The following RERE variants were observed in gnomAD, a reference collection of about 807,000 sequenced individuals.
RERE encodes arginine-glutamic acid dipeptide repeats protein.
A neutral mutation model predicts 146.1 loss-of-function variants in RERE; 40 were observed. The ratio of observed to expected loss-of-function variants is 0.27; its 90% CI spans 0.21 to 0.36. The LOEUF (loss-of-function observed/expected upper bound fraction) is 0.36, where lower values mean the gene tolerates loss of function less well. Ranked by LOEUF, RERE falls within the 10% of genes least tolerant of loss-of-function variation. The pLI is 1.00. For synonymous variants in RERE, 1,003 were observed against 866.0 expected (o/e 1.16, Z -2.78); for missense variants, 1,933 against 2,138.7 (o/e 0.90, Z 1.90).
Position 8,687,105 on chromosome 1 carries a change from G to A in RERE, c.-144-30664C>T, listed in dbSNP as rs77575063. Among the ~76,000 whole-genome samples, 237 of 152,308 alleles carry A rather than the reference G, an allele frequency of 1.6e-3. 1 individual carries two copies. The highest frequency in any genetic ancestry group is 0.015 in the East Asian group (80 of 5,190). ...GGCAGAGTAAGTGGGATCCAAATAC[G>A]GGAGTTTGTATCTGTTTTAAGATTG... On this transcript the variant is annotated intron_variant, in intron 1 of 22. Transcript: ENST00000400908.
In RERE at chr1:8,388,660, CGTGT is replaced by C. The variant is rs1642772602; in HGVS notation, c.1285-22690_1285-22687del. Among the ~76,000 whole-genome samples, 4 of 152,302 alleles carry C rather than the reference CGTGT, an allele frequency of 2.6e-5. No homozygotes were observed. The South Asian group carries it at 8.3e-4, about 32-fold the overall frequency. On this transcript the variant is annotated intron_variant, in intron 12 of 22. Coordinates refer to ENST00000400908, the MANE Select transcript of RERE (RefSeq NM_001042681.2). ...AAGCTGCGTGGTGGCGACAGTTCAC[CGTGT>C]GGCTGTTTTTATACCATACACAAAT...
chr1:8,461,366 C>T (rs552456236), intron 11 of RERE, among the ~76,000 whole-genome samples: 4 of 152,184 alleles, frequency 2.6e-5, no homozygotes, highest in African/African-American at 9.6e-5. Context: ...CAGAAGGCAG[C>T]CATTTACTTT....
intron 7 of RERE, among the ~76,000 whole-genome samples, chr1:8,513,504 TACACCAAAA>T (rs1226373985): frequency 2.0e-5 from 3 of 152,210 alleles, no homozygotes; most frequent in Non-Finnish European, 4.4e-5. Context: ...TTTTTGATAC[TACACCAAAA>T]ACTCAACAAG....
At chr1:8,542,100 TA>T (rs1357912730) in intron 6 of RERE, among the ~76,000 whole-genome samples, 3 of 152,120 alleles carry the variant, frequency 2.0e-5, no homozygotes, top group Non-Finnish European at 2.9e-5. Flanking sequence ...CCAGAAGCAT[TA>T]TATCACGTGG....
intron 7 of RERE, among the ~76,000 whole-genome samples, chr1:8,534,956 C>T (rs1214851136): frequency 6.6e-6 from 1 of 152,088 alleles, no homozygotes; most frequent in Non-Finnish European, 1.5e-5. Context: ...AACTGAGGGA[C>T]AGCTGGGCAC....
chr1:8,570,261 G>T (rs774245303), intron 4 of RERE, among the ~76,000 whole-genome samples: 12 of 151,966 alleles, frequency 7.9e-5, no homozygotes, highest in Admixed American at 2.0e-4. Flanking sequence ...TGCTTGAACC[G>T]GGGAAGTGGA....
chr1:8,480,386 C>T (rs1333558253), intron 10 of RERE, among the ~76,000 whole-genome samples: 1 of 151,018 alleles, frequency 6.6e-6, no homozygotes, highest in Admixed American at 6.6e-5. Context: ...GATCCGCCCG[C>T]CTTGGCCTCC....
intron 1 of RERE, among the ~76,000 whole-genome samples, chr1:8,725,856 T>G (rs1023148650): frequency 6.6e-6 from 1 of 152,120 alleles, no homozygotes; most frequent in Non-Finnish European, 1.5e-5. Flanking sequence ...TTTTGCTTAA[T>G]GCAAACGTTC....
chr1:8,775,123 G>C (rs180914351), intron 1 of RERE, among the ~76,000 whole-genome samples: 1 of 151,930 alleles, frequency 6.6e-6, no homozygotes, highest in East Asian at 1.9e-4. Context: ...ACCACGCCCG[G>C]CTAATTTTTG....
chr1:8,361,031 G>A lies in RERE; in HGVS notation c.2476C>T (p.Leu826=). 1 of 1,439,236 alleles carries A rather than the reference G, an allele frequency of 6.9e-7. No homozygotes were observed. The highest frequency in any genetic ancestry group is 9.1e-7 in the Non-Finnish European group (1 of 1,102,160). The allele number at this position is 1,439,236 out of a possible 1,614,324, so 89.2% of individuals were successfully genotyped here. A position where few individuals can be genotyped will look rare whatever the true frequency, so the allele number is the denominator to read the frequency against. ...PPPHPSPHPP[L]QPLTGSAGQP... ...CCCGCCGACCCAGTCAGAGGCTGCA[G>A]CGGGGGATGTGGCGAGGGATGCGGC... The change falls in exon 18 of 23, where the codon CTG becomes TTG. Residue 826 remains leucine (L), a synonymous_variant. Transcript: ENST00000400908.
chr1:8,787,200 T>C (rs899467256), intron 1 of RERE, among the ~76,000 whole-genome samples: 1 of 152,202 alleles, frequency 6.6e-6, no homozygotes, highest in African/African-American at 2.4e-5. Context: ...CACCTCGGGA[T>C]TTTTGCACCT....
At chr1:8,808,556 A>G (rs753630602) in intron 1 of RERE, among the ~76,000 whole-genome samples, 6 of 152,214 alleles carry the variant, frequency 3.9e-5, no homozygotes, top group Non-Finnish European at 8.8e-5. Flanking sequence ...CACGAGTATT[A>G]TTATTATCTC....
chr1:8,642,052 G>T (rs1333856659), intron 2 of RERE, among the ~76,000 whole-genome samples: 2 of 152,038 alleles, frequency 1.3e-5, no homozygotes, highest in Non-Finnish European at 2.9e-5. Context: ...CATTTTGGGG[G>T]TCAAAAAATC....
At chr1:8,620,295 C>G (rs963963836) in intron 3 of RERE, among the ~76,000 whole-genome samples, 1 of 152,078 alleles carries the variant, frequency 6.6e-6, no homozygotes, top group Admixed American at 6.5e-5. Flanking sequence ...TGCAGTGGGA[C>G]CCAGGAGAGT....
chr1:8,650,561 G>C (rs932337766), intron 2 of RERE, among the ~76,000 whole-genome samples: 4 of 152,054 alleles, frequency 2.6e-5, no homozygotes, highest in Non-Finnish European at 5.9e-5. Context: ...TCAGGAGTTC[G>C]AGACCAGCCT....
intron 4 of RERE, among the ~76,000 whole-genome samples, chr1:8,578,330 A>G (rs930046517): frequency 6.6e-6 from 1 of 152,110 alleles, no homozygotes; most frequent in Non-Finnish European, 1.5e-5. Context: ...TAGCATTTCT[A>G]TTGCTGCACT....
chr1:8,671,483 T>C (rs1352060638), intron 1 of RERE, among the ~76,000 whole-genome samples: 2 of 152,212 alleles, frequency 1.3e-5, no homozygotes, highest in Non-Finnish European at 2.9e-5. Context: ...ACACATAGGA[T>C]GGAAACACCT....
intron 10 of RERE, among the ~76,000 whole-genome samples, chr1:8,494,412 A>G (rs1645016574): frequency 6.6e-6 from 1 of 152,054 alleles, no homozygotes; most frequent in African/African-American, 2.4e-5. Context: ...TTATTTCCTT[A>G]TGTCTAAAAA....
intron 12 of RERE, among the ~76,000 whole-genome samples, chr1:8,395,052 G>A (rs1247559722): frequency 6.6e-6 from 1 of 152,130 alleles, no homozygotes; most frequent in African/African-American, 2.4e-5. Context: ...CATTCCATGA[G>A]GGAAGTTTGT....
Sources: gnomAD v4.1 joint callset for allele counts (sites outside exome capture counted in the v4.1 genomes callset) on GRCh38, gnomAD v4.1.1 for gene constraint, MANE v1.5 for transcripts, NCBI Gene and HGNC (gene_info 2026-07-23, HGNC 2026-07-21) for gene names.